The following SCAP variants were observed in gnomAD, a reference collection of about 807,000 sequenced individuals.
The protein encoded by SCAP is SREBF chaperone.
A neutral mutation model predicts 123.6 loss-of-function variants in SCAP; 65 were observed. The ratio of observed to expected loss-of-function variants is 0.53; its 90% CI spans 0.43 to 0.65. The LOEUF (loss-of-function observed/expected upper bound fraction) is 0.65, where lower values mean the gene tolerates loss of function less well. Among genes scored for constraint, SCAP ranks in the 30% least tolerant of loss-of-function variants. The pLI, the probability that SCAP is intolerant of heterozygous loss-of-function variation, is 0.00. For missense variants in SCAP, 1,398 were observed against 1,712.5 expected, an observed-to-expected ratio of 0.82 and a Z score of 3.24; for synonymous variants, 740 against 726.3, an observed-to-expected ratio of 1.02 and a Z score of -0.30.
At chr3:47,421,276 T>G in intron 10 of SCAP, 2 of 503,414 alleles carry the variant, frequency 4.0e-6, no homozygotes, top group Non-Finnish European at 3.6e-6. Flanking sequence ...GGGAAGTACC[T>G]TCCCTGAATC....
intron 1 of SCAP, among the ~76,000 whole-genome samples, chr3:47,453,052 C>T (rs990120682): frequency 7.2e-5 from 11 of 151,946 alleles, no homozygotes; most frequent in South Asian, 2.1e-4. Flanking sequence ...GCTGTGATTC[C>T]GCCACTGCAC....
Position 47,466,836 on chromosome 3 carries a change from C to T in SCAP, c.-99+8963G>A, listed in dbSNP as rs1335477365. Reference sequence around the variant, plus strand: ...GTGGTGGCTCACGCCTTAATCCTAGCACTTTGGGAAGCCAAGGCAAGCGGA... The same window carrying T: ...GTGGTGGCTCACGCCTTAATCCTAGTACTTTGGGAAGCCAAGGCAAGCGGA... On this transcript the variant is annotated intron_variant, in intron 1 of 22. Coordinates refer to ENST00000265565, the MANE Select transcript of SCAP (RefSeq NM_012235.4). 2.6e-5 allele frequency among the ~76,000 whole-genome samples: 4 copies of T among 152,132 alleles called. No individual in the cohort carries two copies. The South Asian group carries it at 8.3e-4, about 31-fold the overall frequency.
Position 47,449,524 on chromosome 3 carries a change from A to G in SCAP, c.-98-6433T>C, listed in dbSNP as rs777703879. Among the ~76,000 whole-genome samples the G allele has an allele frequency of 2.4e-5, 3 of 123,936 alleles. 1 individual carries two copies. Among genetic ancestry groups the G allele is most frequent in the Middle Eastern group, 8.8e-3 (2 of 228 alleles). The allele number at this position is 123,936 out of a possible 152,430, so 81.3% of individuals were successfully genotyped here. ...ATGTCACTGCTGTCTCCACCACTAC[A>G]CAATTACGTGGAGGGCCAGAGCAAG... On this transcript the variant is annotated intron_variant, in intron 1 of 22. Coordinates refer to ENST00000265565, the MANE Select transcript of SCAP (RefSeq NM_012235.4).
At chr3:47,424,396 A>G (rs1401038692) in intron 8 of SCAP, among the ~76,000 whole-genome samples, 1 of 152,228 alleles carries the variant, frequency 6.6e-6, no homozygotes, top group Non-Finnish European at 1.5e-5. Flanking sequence ...GCTAAAGACA[A>G]TGACTGCTGC....
chr3:47,461,369 T>C (rs1376573213), intron 1 of SCAP, among the ~76,000 whole-genome samples: 3 of 152,246 alleles, frequency 2.0e-5, no homozygotes, highest in Non-Finnish European at 4.4e-5. Flanking sequence ...ATATCTATAA[T>C]CTGGTACTAA....
chr3:47,462,709 C>T (rs530506050), intron 1 of SCAP, among the ~76,000 whole-genome samples: 4 of 147,332 alleles, frequency 2.7e-5, no homozygotes, highest in South Asian at 4.3e-4. Context: ...GCCAAGATCG[C>T]GCCATTGCAC....
chr3:47,414,765 T>C (rs1559534815), intron 20 of SCAP, 62 bp downstream of exon 20: 21 of 1,602,368 alleles, frequency 1.3e-5, no homozygotes, highest in Middle Eastern at 1.7e-4. Context: ...CCCTGACGAA[T>C]GCATCAGGCT....
At chr3:47,452,726 A>T (rs1707270909) in intron 1 of SCAP, among the ~76,000 whole-genome samples, 1 of 152,112 alleles carries the variant, frequency 6.6e-6, no homozygotes, top group South Asian at 2.1e-4. Context: ...TGCCCTACCA[A>T]ACCTGGAGCC....
intron 1 of SCAP, chr3:47,443,306 T>TCTCTCTCTCC (rs1553646919): frequency 8.3e-5 from 8 of 96,038 alleles, no homozygotes; most frequent in East Asian, 3.1e-4. Flanking sequence ...TCTCTCTCTC[T>TCTCTCTCTCC]CTCTCCCTCC....
rs779135884 is a variant in SCAP, at chr3:47,420,683, C to T, written c.1434G>A (p.Leu478=). 6.2e-7 allele frequency: 1 copy of T among 1,611,614 alleles called. No individual in the cohort carries two copies. Among genetic ancestry groups the T allele is most frequent in the South Asian group, 1.1e-5 (1 of 91,006 alleles). ...VGQPTRYERQ[L]AVRPSTPHTI... ...TGTGGGGTGTGGACGGCCTCACAGCCAGCTGCCGCTCGTAGCGCGTTGGCT... is the reference window on the plus strand; with the variant it reads ...TGTGGGGTGTGGACGGCCTCACAGCTAGCTGCCGCTCGTAGCGCGTTGGCT... The change falls in exon 12 of 23, where the codon CTG becomes CTA. Residue 478 remains leucine (L), a synonymous_variant. Transcript: ENST00000265565. The surrounding 1 kb of genome is among the most constrained non-coding windows in gnomAD (Gnocchi z 5.0).
Position 47,420,878 on chromosome 3 carries a change from C to A in SCAP, c.1344+53G>T. The A allele has an allele frequency of 6.3e-7, 1 of 1,591,602 alleles. No individual in the cohort carries two copies. The highest frequency in any genetic ancestry group is 1.1e-5 in the South Asian group (1 of 90,620). On this transcript the variant is annotated intron_variant, in intron 11 of 22. Coordinates refer to ENST00000265565, the MANE Select transcript of SCAP (RefSeq NM_012235.4). This position sits in a 1 kb window ranked among gnomAD's most constrained non-coding sequence, Gnocchi z 5.0. The stretch of plus-strand genomic sequence containing the variant: ...ACACCCTTCTCACCCAGGACTCCCT[C>A]AGTACAGCCAGGGCTGAGGAGGCGG...
intron 10 of SCAP, chr3:47,421,257 A>C: frequency 1.8e-6 from 1 of 561,452 alleles, no homozygotes; most frequent in Non-Finnish European, 3.2e-6. Flanking sequence ...GAAAGGGCTG[A>C]AAGGGAAGGG....
intron 1 of SCAP, among the ~76,000 whole-genome samples, chr3:47,463,423 G>C (rs375881587): frequency 6.6e-6 from 1 of 152,114 alleles, no homozygotes; most frequent in Non-Finnish European, 1.5e-5. Context: ...CCAGTGGGCC[G>C]GGGTGCGGTG....
At chr3:47,445,479 C>T (rs1176217211) in intron 1 of SCAP, among the ~76,000 whole-genome samples, 1 of 151,568 alleles carries the variant, frequency 6.6e-6, no homozygotes, top group Non-Finnish European at 1.5e-5. Context: ...AACTCCTAAC[C>T]AGGTGATCCA....
chr3:47,428,732 C>T (rs1706243893), intron 3 of SCAP, 62 bp from the exon 4 acceptor site: 1 of 1,569,876 alleles, frequency 6.4e-7, no homozygotes, highest in Non-Finnish European at 8.7e-7. Context: ...AAAGACGGTC[C>T]AATTCAAGGG....
chr3:47,438,055 G>A (rs1321765082), intron 2 of SCAP, among the ~76,000 whole-genome samples: 1 of 152,106 alleles, frequency 6.6e-6, no homozygotes, highest in East Asian at 1.9e-4. Flanking sequence ...ACCATTTAGA[G>A]GAAGAGACAG....
chr3:47,416,719 C>T (rs1188870391), intron 18 of SCAP, among the ~76,000 whole-genome samples: 4 of 146,036 alleles, frequency 2.7e-5, no homozygotes, highest in Non-Finnish European at 6.0e-5. Flanking sequence ...CTCCGCCTCC[C>T]GGGTTCACGC....
intron 10 of SCAP, 123 bp downstream of exon 10, chr3:47,422,319 G>C (rs769804886): frequency 5.0e-6 from 4 of 793,956 alleles, no homozygotes; most frequent in African/African-American, 1.7e-5. Flanking sequence ...CAGGCAAAGA[G>C]GTCCCACCTC....
chr3:47,455,439 A>G (rs1340601618), intron 1 of SCAP, among the ~76,000 whole-genome samples: 2 of 151,748 alleles, frequency 1.3e-5, no homozygotes, highest in African/African-American at 4.8e-5. Context: ...TACTAAAAAT[A>G]CAAAAATTAG....
Sources: allele counts gnomAD v4.1 joint callset (sites outside exome capture counted in the v4.1 genomes callset), GRCh38; gene constraint gnomAD v4.1.1; non-coding constraint Gnocchi (gnomAD v3.1); transcripts MANE v1.5; gene names NCBI Gene and HGNC (gene_info 2026-07-23, HGNC 2026-07-21).